Variants in CGNL1 observed in about 807,000 individuals in gnomAD.
CGNL1 encodes cingulin like 1, also known as cingulin-like protein 1.
CGNL1 carries 132 observed loss-of-function variants against 141.2 expected under a neutral mutation model. The ratio of observed to expected loss-of-function variants is 0.93; its 90% CI spans 0.81 to 1.08. CGNL1 has a LOEUF of 1.08. Ranked by LOEUF, CGNL1 falls within the 50% of genes least tolerant of loss-of-function variation. CGNL1 has a pLI of 0.00. For missense variants in CGNL1, 1,870 were observed against 1,588.6 expected (o/e 1.18, Z -3.01); for synonymous variants, 690 against 622.1 (o/e 1.11, Z -1.63).
At chr15:57,441,196 A>G (rs4774941) in intron 3 of CGNL1, among the ~76,000 whole-genome samples, 11,237 of 152,140 alleles carry the variant, frequency 0.074, 496 homozygotes, top group South Asian at 0.18. Flanking sequence ...TCAGTTTTAG[A>G]GCTAACAACA....
chr15:57,544,725 C>G, intron 16 of CGNL1, 128 bp downstream of exon 16: 2 of 1,104,566 alleles, frequency 1.8e-6, no homozygotes, highest in Non-Finnish European at 2.5e-6. Context: ...GCAACTACAC[C>G]CTTACTTTTA....
intron 1 of CGNL1, among the ~76,000 whole-genome samples, chr15:57,421,542 C>G (rs761665728): frequency 4.6e-5 from 7 of 151,962 alleles, no homozygotes; most frequent in African/African-American, 7.3e-5. Context: ...ACACTTTTGG[C>G]TAAAACAAGC....
At chr15:57,423,875 C>G (rs1273953467) in intron 1 of CGNL1, among the ~76,000 whole-genome samples, 1 of 152,216 alleles carries the variant, frequency 6.6e-6, no homozygotes, top group Non-Finnish European at 1.5e-5. Flanking sequence ...TTCTGCATCT[C>G]TCATGTGCTG....
chr15:57,530,534 G>C (rs1447511182), intron 13 of CGNL1, among the ~76,000 whole-genome samples: 1 of 152,150 alleles, frequency 6.6e-6, no homozygotes, highest in Non-Finnish European at 1.5e-5. Context: ...TGTAAACTCA[G>C]GTGGCTGTTG....
At chr15:57,428,459 G>C (rs184151343) in intron 1 of CGNL1, among the ~76,000 whole-genome samples, 6 of 152,310 alleles carry the variant, frequency 3.9e-5, no homozygotes, top group Non-Finnish European at 4.4e-5. Context: ...AATCACCGGG[G>C]CTGGCCTCGT....
intron 8 of CGNL1, among the ~76,000 whole-genome samples, 162 bp downstream of exon 8, chr15:57,462,054 G>A (rs765222165): frequency 6.6e-6 from 1 of 152,172 alleles, no homozygotes; most frequent in African/African-American, 2.4e-5. Flanking sequence ...AAGCTCAATG[G>A]TCCTGCTATT....
chr15:57,436,189 C>G (rs967726808), intron 1 of CGNL1, among the ~76,000 whole-genome samples: 1 of 152,276 alleles, frequency 6.6e-6, no homozygotes, highest in East Asian at 1.9e-4. Flanking sequence ...TTTTTACTAA[C>G]AGAACATTGA....
chr15:57,465,928 T>C (rs755337710), intron 8 of CGNL1, among the ~76,000 whole-genome samples: 17 of 152,236 alleles, frequency 1.1e-4, no homozygotes, highest in Non-Finnish European at 2.2e-4. Flanking sequence ...GATAACTCTG[T>C]AATAGTGTAT....
intron 14 of CGNL1, among the ~76,000 whole-genome samples, chr15:57,542,706 A>G (rs2032631800): frequency 6.6e-6 from 1 of 152,252 alleles, no homozygotes; most frequent in South Asian, 2.1e-4. Flanking sequence ...CTTATAATGC[A>G]GCAGTCAGGA....
intron 8 of CGNL1, among the ~76,000 whole-genome samples, chr15:57,494,754 A>T (rs1285238781): frequency 6.6e-6 from 1 of 152,214 alleles, no homozygotes; most frequent in African/African-American, 2.4e-5. Flanking sequence ...GCAATGGTGC[A>T]CAGTGTTCAG....
chr15:57,479,401 T>G (rs1344567434), intron 8 of CGNL1, among the ~76,000 whole-genome samples: 4 of 152,144 alleles, frequency 2.6e-5, no homozygotes, highest in Non-Finnish European at 5.9e-5. Context: ...TGGTGGCTCA[T>G]GCCTATAATC....
chr15:57,531,628 C>G, intron 13 of CGNL1, 62 bp from the exon 14 acceptor site: 2 of 1,032,908 alleles, frequency 1.9e-6, no homozygotes, highest in Admixed American at 1.7e-5. Flanking sequence ...TGTGGGGGAG[C>G]CTTTGCTGTT....
At chr15:57,376,841 G>A (rs1235109155) in intron 1 of CGNL1, 3 of 151,990 alleles carry the variant, frequency 2.0e-5, no homozygotes. Context: ...GGGTGGGAGG[G>A]AGGAGGCCCT....
At position 57,518,547 on chromosome 15, in the gene CGNL1, G is replaced by A. The variant is rs1374984313; in HGVS notation, c.2715+50G>A. 11 of 1,236,874 alleles carry A rather than the reference G, an allele frequency of 8.9e-6. No individual in the cohort carries two copies. In the African/African-American group the frequency reaches 1.2e-4, roughly 13 times the overall value. The allele number at this position is 1,236,874 out of a possible 1,614,324, so 76.6% of individuals were successfully genotyped here. On this transcript the variant is annotated intron_variant, in intron 10 of 18. Coordinates refer to ENST00000281282, the MANE Select transcript of CGNL1 (RefSeq NM_032866.5). The stretch of plus-strand genomic sequence containing the variant: ...TACTCCCTCAAGAAGAATGCATAGA[G>A]ACGCAACACCAGAGGGATGTGTGGA...
At chr15:57,390,127 T>C (rs897658431) in intron 1 of CGNL1, among the ~76,000 whole-genome samples, 4 of 152,208 alleles carry the variant, frequency 2.6e-5, no homozygotes, top group Non-Finnish European at 5.9e-5. Flanking sequence ...CAGATCCCAG[T>C]TCTTTATGAC....
chr15:57,544,705 G>C, intron 16 of CGNL1, 108 bp downstream of exon 16: 1 of 1,308,872 alleles, frequency 7.6e-7, no homozygotes, highest in Non-Finnish European at 1.0e-6. Flanking sequence ...TAGCCTGTGA[G>C]GAAGGCAGAG....
At position 57,531,691 on chromosome 15, in the gene CGNL1, A is replaced by G. The variant is rs1156233163; in HGVS notation, c.3203A>G (p.Asp1068Gly). 2 of 1,607,476 alleles carry G rather than the reference A, an allele frequency of 1.2e-6. No individual in the cohort carries two copies. Among genetic ancestry groups the G allele is most frequent in the African/African-American group, 1.3e-5 (1 of 74,790 alleles). The change falls in exon 14 of 19, where the codon GAC (aspartate) becomes GGC (glycine). Residue 1068 changes from aspartate to glycine, a missense_variant and splice_region_variant. Asp to Gly is a moderately conservative substitution (Grantham distance 94). Transcript: ENST00000281282. ...DRSRLVKQME[D>G]KVSQLEMELE... ...CTGTGTTTGTGATTTCCTTCTTAGG[A>G]CAAGGTGTCTCAACTGGAGATGGAA...
intron 1 of CGNL1, among the ~76,000 whole-genome samples, chr15:57,389,259 T>C (rs2062516762): frequency 6.6e-6 from 1 of 152,038 alleles, no homozygotes; most frequent in African/African-American, 2.4e-5. Flanking sequence ...CAAGTTCCAC[T>C]CCAGCCTGGG....
chr15:57,489,757 A>G (rs1482759646), intron 8 of CGNL1, among the ~76,000 whole-genome samples: 2 of 152,212 alleles, frequency 1.3e-5, no homozygotes, highest in Non-Finnish European at 2.9e-5. Context: ...TTTCCCAGAC[A>G]TTAGTTTTGG....
Sources: gnomAD v4.1 joint callset for allele counts (sites outside exome capture counted in the v4.1 genomes callset) on GRCh38, gnomAD v4.1.1 for gene constraint, MANE v1.5 for transcripts, NCBI Gene and HGNC (gene_info 2026-07-23, HGNC 2026-07-21) for gene names.